CCDC178: variants seen among roughly 807,000 people sequenced by gnomAD.
The protein encoded by CCDC178 is coiled-coil domain containing 178, also known as coiled-coil domain-containing protein 178.
A neutral mutation model predicts 117.4 loss-of-function variants in CCDC178; 126 were observed. The ratio of observed to expected loss-of-function variants is 1.07; its 90% confidence interval spans 0.93 to 1.24. The LOEUF (loss-of-function observed/expected upper bound fraction) is 1.24. Ranked by LOEUF, CCDC178 falls within the 50% of genes most tolerant of loss-of-function variation. The probability of loss-of-function intolerance (pLI) is 0.00; values close to 1 mark genes in which losing one functional copy is unlikely to be tolerated. For missense variants in CCDC178, 1,030 were observed against 986.9 expected (o/e 1.04, Z -0.59); for synonymous variants, 283 against 313.4 (o/e 0.90, Z 1.02).
intron 21 of CCDC178, among the ~76,000 whole-genome samples, chr18:33,027,897 C>A (rs2056260281): frequency 6.6e-6 from 1 of 151,384 alleles, no homozygotes; most frequent in African/African-American, 2.4e-5. Flanking sequence ...AACCAAAAAA[C>A]AAATTAACAA....
At chr18:33,426,184 C>A (rs539874037) in intron 2 of CCDC178, among the ~76,000 whole-genome samples, 25 of 152,344 alleles carry the variant, frequency 1.6e-4, no homozygotes, top group African/African-American at 5.8e-4. Flanking sequence ...GCTGGGATTA[C>A]AGGCGTGAGC....
intron 4 of CCDC178, 87 bp downstream of exon 4, chr18:33,397,062 A>G (rs1352550278): frequency 7.0e-6 from 6 of 851,344 alleles, no homozygotes; most frequent in African/African-American, 6.9e-5. Context: ...AATGCCTGAA[A>G]TTATTTTCAT....
chr18:32,951,448 C>T (rs1334471503), intron 22 of CCDC178, among the ~76,000 whole-genome samples: 2 of 152,036 alleles, frequency 1.3e-5, no homozygotes, highest in African/African-American at 4.8e-5. Context: ...AGAATGAGTG[C>T]CAAATGAAGG....
chr18:33,410,083 C>T (rs774608211), intron 3 of CCDC178, among the ~76,000 whole-genome samples: 12 of 152,144 alleles, frequency 7.9e-5, no homozygotes, highest in Non-Finnish European at 1.8e-4. Context: ...ATATGATTGA[C>T]TTTCTAGCTT....
intron 3 of CCDC178, among the ~76,000 whole-genome samples, chr18:33,398,114 T>C (rs772622478): frequency 1.3e-5 from 2 of 152,034 alleles, no homozygotes; most frequent in Non-Finnish European, 2.9e-5. Flanking sequence ...ATGGCAAATA[T>C]GTGCATGTGT....
rs1348982295 is a variant in CCDC178, at chr18:33,235,211, T to G, written c.1594-8356A>C. On this transcript the variant is annotated intron_variant, in intron 15 of 22. Coordinates refer to ENST00000383096, the MANE Select transcript of CCDC178 (RefSeq NM_001105528.4). ...CAAGGCAAGTCATAGACTTCTAAAGTTATGCACCAGATTACTGTGGACTGG... is the reference window on the plus strand; with the variant it reads ...CAAGGCAAGTCATAGACTTCTAAAGGTATGCACCAGATTACTGTGGACTGG... Among the ~76,000 whole-genome samples, 5 of 152,148 alleles carry G rather than the reference T, an allele frequency of 3.3e-5. No individual in the cohort carries two copies. The East Asian group carries it at 9.6e-4, about 29-fold the overall frequency.
chr18:33,206,704 G>C (rs910872220), intron 20 of CCDC178, among the ~76,000 whole-genome samples: 1 of 152,028 alleles, frequency 6.6e-6, no homozygotes, highest in Admixed American at 6.6e-5. Flanking sequence ...TTTTTCTTCA[G>C]AAAAGAGCCA....
chr18:33,278,282 CATATATATATATATATAT>C (rs36227101), intron 12 of CCDC178, among the ~76,000 whole-genome samples: 5 of 141,382 alleles, frequency 3.5e-5, no homozygotes, highest in Admixed American at 7.2e-5. Context: ...TACACAAATA[CATATATATATATATATAT>C]ATATATATAT....
At chr18:33,047,083 C>T (rs554691763) in intron 21 of CCDC178, among the ~76,000 whole-genome samples, 4 of 152,132 alleles carry the variant, frequency 2.6e-5, no homozygotes, top group Admixed American at 6.5e-5. Context: ...ACTTTGTGGG[C>T]GTTGCATAAT....
At chr18:33,203,058 C>T (rs1179520079) in intron 20 of CCDC178, among the ~76,000 whole-genome samples, 4 of 152,096 alleles carry the variant, frequency 2.6e-5, no homozygotes, top group Non-Finnish European at 4.4e-5. Flanking sequence ...TTCACATTTC[C>T]AATGCGGCTA....
chr18:33,367,845 T>A (rs1376049676), intron 6 of CCDC178, among the ~76,000 whole-genome samples: 1 of 151,970 alleles, frequency 6.6e-6, no homozygotes, highest in African/African-American at 2.4e-5. Flanking sequence ...AAAATAACCT[T>A]GAAAATTAAC....
intron 2 of CCDC178, among the ~76,000 whole-genome samples, 159 bp from the exon 3 acceptor site, chr18:33,412,269 G>A (rs941240418): frequency 1.3e-5 from 2 of 151,790 alleles, no homozygotes; most frequent in Non-Finnish European, 2.9e-5. Context: ...GGACTATTAC[G>A]ATCTCATTCA....
In CCDC178 at chr18:33,085,755, G is replaced by A. The variant is rs140984653; in HGVS notation, c.2388+7006C>T. Among the ~76,000 whole-genome samples, 740 of 152,002 alleles carry A rather than the reference G, an allele frequency of 4.9e-3. 3 individuals carry two copies. Among genetic ancestry groups the A allele is most frequent in the South Asian group, 0.011 (55 of 4,820 alleles). ...ATATTCATATTCCTTATTATCAGAG[G>A]TTCATGGGATTAAATAAGCTGTCTA... On this transcript the variant is annotated intron_variant, in intron 21 of 22. Coordinates refer to ENST00000383096, the MANE Select transcript of CCDC178 (RefSeq NM_001105528.4).
rs116953622 is a variant in CCDC178 at position 33,170,526 on chromosome 18, T to C, written c.2238+41370A>G. On this transcript the variant is annotated intron_variant, in intron 20 of 22. Coordinates refer to ENST00000383096, the MANE Select transcript of CCDC178 (RefSeq NM_001105528.4). ...GCTTTTGAAATACTTGGGTGTTATA[T>C]ATACAGCATAAATATAATGATATCA... 9.0e-3 allele frequency among the ~76,000 whole-genome samples: 1,367 copies of C among 152,290 alleles called. 14 individuals are homozygous for C. Among genetic ancestry groups the C allele is most frequent in the Non-Finnish European group, 0.014 (956 of 68,000 alleles).
chr18:33,402,744 T>C (rs2063725735), intron 3 of CCDC178, among the ~76,000 whole-genome samples: 1 of 152,216 alleles, frequency 6.6e-6, no homozygotes, highest in Non-Finnish European at 1.5e-5. Flanking sequence ...TTGTTGTTAC[T>C]GTTAGAGGAA....
chr18:33,277,169 A>C (rs2144806712), intron 12 of CCDC178, among the ~76,000 whole-genome samples: 1 of 152,282 alleles, frequency 6.6e-6, no homozygotes, highest in South Asian at 2.1e-4. Flanking sequence ...AGTGTCTCTA[A>C]TTGCAGATGA....
chr18:33,123,564 T>G (rs1047744075), intron 20 of CCDC178, among the ~76,000 whole-genome samples: 1 of 152,166 alleles, frequency 6.6e-6, no homozygotes, highest in African/African-American at 2.4e-5. Context: ...GAGGATTTTT[T>G]GTAAAAAATG....
At chr18:33,089,071 T>C (rs1376727169) in intron 21 of CCDC178, among the ~76,000 whole-genome samples, 1 of 152,060 alleles carries the variant, frequency 6.6e-6, no homozygotes. Context: ...CTCCTCCAAA[T>C]AAACAGGTGG....
chr18:32,978,227 T>G lies in CCDC178; in HGVS notation c.2389-3546A>C, dbSNP rs998993833. ...GATTTTTTTTTTTTTTTTTTTTTTTTGCGGGGAAATCAATAGCTAATAGGC... is the reference window on the plus strand; with the variant it reads ...GATTTTTTTTTTTTTTTTTTTTTTTGGCGGGGAAATCAATAGCTAATAGGC... On this transcript the variant is annotated intron_variant, in intron 21 of 22. Coordinates refer to ENST00000383096, the MANE Select transcript of CCDC178 (RefSeq NM_001105528.4). Among the ~76,000 whole-genome samples the G allele has an allele frequency of 4.2e-5, 6 of 144,302 alleles. No individual in the cohort carries two copies. The East Asian group carries it at 1.0e-3, about 24-fold the overall frequency. 94.7% of individuals were successfully genotyped at this position (144,302 alleles called of 152,430 possible). A position where few individuals can be genotyped will look rare whatever the true frequency, so the allele number is the denominator to read the frequency against.
Sources: allele counts gnomAD v4.1 joint callset (sites outside exome capture counted in the v4.1 genomes callset), GRCh38; gene constraint gnomAD v4.1.1; transcripts MANE v1.5; gene names NCBI Gene and HGNC (gene_info 2026-07-23, HGNC 2026-07-21).